Variants in TBL1X observed in about 807,000 individuals in gnomAD.
TBL1X encodes the protein transducin beta like 1 X-linked.
In TBL1X, 10 loss-of-function variants were observed where a neutral mutation model predicts 50.7. The observed-to-expected ratio is 0.20, with a 90% CI of 0.12 to 0.33. The LOEUF (loss-of-function observed/expected upper bound fraction) is 0.33, where lower values mean the gene tolerates loss of function less well. Ranked by LOEUF, TBL1X falls within the 10% of genes least tolerant of loss-of-function variation. The probability of loss-of-function intolerance (pLI) is 1.00; values close to 1 mark genes in which losing one functional copy is unlikely to be tolerated. For missense variants in TBL1X, 340 were observed against 504.4 expected, an observed-to-expected ratio of 0.67 and a Z score of 3.12; for synonymous variants, 190 against 214.7, an observed-to-expected ratio of 0.88 and a Z score of 1.01.
chrX:9,564,738 A>T (rs2082340588), intron 2 of TBL1X, among the ~76,000 whole-genome samples: 1 of 109,590 alleles, frequency 9.1e-6, no homozygotes, highest in African/African-American at 3.3e-5. Context: ...TCTCAAAAAA[A>T]AAAAAAGAAA....
chrX:9,660,325 A>T lies in TBL1X; in HGVS notation c.211+6003A>T, dbSNP rs372864911. Among the ~76,000 whole-genome samples, 12 of 112,885 alleles carry T rather than the reference A, an allele frequency of 1.1e-4. No individual in the cohort carries two copies. The East Asian group carries it at 2.5e-3, about 23-fold the overall frequency. On this transcript the variant is annotated intron_variant, in intron 5 of 17. Coordinates refer to ENST00000645353, the MANE Select transcript of TBL1X (RefSeq NM_005647.4). The stretch of plus-strand genomic sequence containing the variant: ...GTGGCGACAGTACTGAAGAAAAAGA[A>T]ACACAAGTAGAAATGGAATTTCACT...
At chrX:9,552,676 C>T (rs969588023) in intron 2 of TBL1X, among the ~76,000 whole-genome samples, 1 of 112,487 alleles carries the variant, frequency 8.9e-6, no homozygotes, top group Non-Finnish European at 1.9e-5. Context: ...GCTGCTATCA[C>T]CTGCTGCCTG....
At chrX:9,677,713 CT>C (rs1454334218) in intron 5 of TBL1X, among the ~76,000 whole-genome samples, 1 of 111,867 alleles carries the variant, frequency 8.9e-6, no homozygotes, top group Non-Finnish European at 1.9e-5. Flanking sequence ...TACTCCCTTC[CT>C]TGGGAACTGA....
chrX:9,619,416 G>A (rs2082655434), intron 2 of TBL1X, among the ~76,000 whole-genome samples: 1 of 111,733 alleles, frequency 8.9e-6, no homozygotes, highest in African/African-American at 3.3e-5. Flanking sequence ...CACCCGCGGT[G>A]CATCCCTCCT....
intron 2 of TBL1X, among the ~76,000 whole-genome samples, chrX:9,515,657 G>A (rs768670827): frequency 1.3e-4 from 15 of 112,455 alleles, no homozygotes; most frequent in Admixed American, 8.5e-4. Context: ...AGAAGCCTGC[G>A]TGACTTGTAG....
chrX:9,701,569 T>TA (rs63287561), intron 12 of TBL1X, among the ~76,000 whole-genome samples: 1,251 of 46,991 alleles, frequency 0.027, 49 homozygotes, highest in African/African-American at 0.076. Context: ...CTTGATGAGC[T>TA]AAAAAAAAAA....
rs150669256 is a variant in TBL1X at position 9,471,394 on chromosome X, C to G, written c.-201+5947C>G. 2.5e-3 allele frequency among the ~76,000 whole-genome samples: 279 copies of G among 112,029 alleles called. 1 individual carries two copies. Among genetic ancestry groups the G allele is most frequent in the African/African-American group, 8.5e-3 (263 of 30,772 alleles). On this transcript the variant is annotated intron_variant, in intron 1 of 17. Coordinates refer to ENST00000645353, the MANE Select transcript of TBL1X (RefSeq NM_005647.4). The stretch of plus-strand genomic sequence containing the variant: ...TGGATGAGTGGCCTCAAGCCTTTTC[C>G]TCCCTCCCAGGTGTGAAGATTTGGT...
intron 2 of TBL1X, among the ~76,000 whole-genome samples, chrX:9,532,428 G>T (rs1057015581): frequency 9.0e-6 from 1 of 111,619 alleles, no homozygotes; most frequent in African/African-American, 3.3e-5. Flanking sequence ...GGGTTGGGAC[G>T]TAGCGGTTAG....
chrX:9,608,083 T>C (rs2082593165), intron 2 of TBL1X, among the ~76,000 whole-genome samples: 1 of 110,613 alleles, frequency 9.0e-6, no homozygotes, highest in Admixed American at 9.6e-5. Flanking sequence ...ATTACAGGCA[T>C]GAGCCATGTG....
chrX:9,715,104 T>TA (rs1325528894), intron 17 of TBL1X, 101 bp downstream of exon 17: 27 of 807,965 alleles, frequency 3.3e-5, no homozygotes, highest in Non-Finnish European at 4.7e-5. Context: ...CTGAAGGGCC[T>TA]AGCCCAGTGC....
intron 2 of TBL1X, among the ~76,000 whole-genome samples, chrX:9,608,854 C>T (rs2082597449): frequency 1.8e-5 from 2 of 112,082 alleles, no homozygotes; most frequent in Non-Finnish European, 3.8e-5. Flanking sequence ...AGGGGAAGCT[C>T]AGGGAGCAGC....
intron 1 of TBL1X, among the ~76,000 whole-genome samples, chrX:9,467,234 A>C (rs1437096129): frequency 9.0e-6 from 1 of 111,610 alleles, no homozygotes; most frequent in African/African-American, 3.3e-5. Flanking sequence ...TGGTCCCTGC[A>C]GAGGGAGGCC....
At chrX:9,533,718 A>T (rs191165399) in intron 2 of TBL1X, among the ~76,000 whole-genome samples, 19 of 111,107 alleles carry the variant, frequency 1.7e-4, no homozygotes, top group African/African-American at 5.9e-4. Context: ...GAGGTCAGGG[A>T]TGCTAGCTTA....
intron 12 of TBL1X, among the ~76,000 whole-genome samples, chrX:9,698,849 G>T (rs2083150398): frequency 1.8e-5 from 2 of 112,094 alleles, no homozygotes; most frequent in South Asian, 3.7e-4. Flanking sequence ...TGTGGCCGCT[G>T]CTCTGGAGCC....
chrX:9,486,926 G>A (rs2081916548), intron 1 of TBL1X, among the ~76,000 whole-genome samples: 2 of 111,645 alleles, frequency 1.8e-5, no homozygotes, highest in Admixed American at 1.9e-4. Flanking sequence ...GTCCCTGAGT[G>A]CATTCTGCAG....
rs1412730458 is a variant in TBL1X at position 9,653,681 on chromosome X, G to A, written c.95G>A (p.Arg32Gln). ...QSVLHHFQRL[R>Q]GREGGSHFIN... ...GTCTTGCACCACTTTCAACGTTTGCGAGGGAGAGGTACTGCGGTTCCTCAT... is the reference window on the plus strand; with the variant it reads ...GTCTTGCACCACTTTCAACGTTTGCAAGGGAGAGGTACTGCGGTTCCTCAT... The change falls in exon 4 of 18, where the codon CGA becomes CAA. Residue 32 changes from arginine to glutamine, a missense_variant. Physicochemically the swap from Arg to Gln is conservative, Grantham distance 43. This residue lies in a region of TBL1X where 41 missense variants were observed against 48.6 expected (regional missense o/e 0.84). Coordinates refer to ENST00000645353, the MANE Select transcript of TBL1X (RefSeq NM_005647.4). 5.1e-6 allele frequency: 6 copies of A among 1,169,870 alleles called. No homozygotes were observed. Among genetic ancestry groups the A allele is most frequent in the Non-Finnish European group, 6.9e-6 (6 of 873,892 alleles).
At chrX:9,687,695 G>A (rs926649145) in intron 6 of TBL1X, among the ~76,000 whole-genome samples, 5 of 97,474 alleles carry the variant, frequency 5.1e-5, no homozygotes, top group African/African-American at 1.6e-4. Flanking sequence ...CCGCCACGTT[G>A]AGAATTGTGC....
chrX:9,592,203 A>G (rs2082503922), intron 2 of TBL1X, among the ~76,000 whole-genome samples: 1 of 110,847 alleles, frequency 9.0e-6, no homozygotes. Context: ...TCTTCCCTTC[A>G]TTTATTTCCA....
Position 9,661,339 on chromosome X carries a change from A to C in TBL1X, c.211+7017A>C, listed in dbSNP as rs191818964. Among the ~76,000 whole-genome samples, 398 of 111,971 alleles carry C rather than the reference A, an allele frequency of 3.6e-3. 1 individual carries two copies. The highest frequency in any genetic ancestry group is 0.012 in the African/African-American group (382 of 30,827). ...GAGGTGGGTGGATTGCTTTGAGCCC[A>C]GGAGTTCAAGACCAACCTGGGCAAT... On this transcript the variant is annotated intron_variant, in intron 5 of 17. Coordinates refer to ENST00000645353, the MANE Select transcript of TBL1X (RefSeq NM_005647.4).
Sources: gnomAD v4.1 joint callset for allele counts (sites outside exome capture counted in the v4.1 genomes callset) on GRCh38, gnomAD v4.1.1 for gene constraint, gnomAD v4.1.1 regional missense constraint, MANE v1.5 for transcripts, NCBI Gene and HGNC (gene_info 2026-07-23, HGNC 2026-07-21) for gene names.